The following TOMM20L variants were observed in gnomAD, a reference collection of about 807,000 sequenced individuals.
TOMM20L encodes TOMM20-like protein 1.
A neutral mutation model predicts 20.4 loss-of-function variants in TOMM20L; 19 were observed. The ratio of observed to expected loss-of-function variants is 0.93; its 90% CI spans 0.65 to 1.36. The LOEUF is 1.36. Ranked by LOEUF, TOMM20L falls within the 40% of genes most tolerant of loss-of-function variation. The probability of loss-of-function intolerance (pLI) is 0.00; values close to 1 mark genes in which losing one functional copy is unlikely to be tolerated. For missense variants in TOMM20L, 218 were observed against 203.7 expected (o/e 1.07, Z -0.43); for synonymous variants, 75 against 79.6 (o/e 0.94, Z 0.30).
At chr14:58,402,566 G>A (rs888095154) in intron 2 of TOMM20L, 114 bp from the exon 3 acceptor site, 1 of 768,836 alleles carries the variant, frequency 1.3e-6, no homozygotes, top group Non-Finnish European at 2.1e-6. Flanking sequence ...GGGATTACAG[G>A]TGTGAGCCAC....
chr14:58,401,020 A>C (rs1192121512), intron 2 of TOMM20L, among the ~76,000 whole-genome samples: 2 of 152,212 alleles, frequency 1.3e-5, no homozygotes, highest in Non-Finnish European at 2.9e-5. Flanking sequence ...TTTTCTGAGA[A>C]GCCTTTGACA....
At chr14:58,410,993 T>C (rs1006415430), downstream of TOMM20L, 1 of 1,266,044 alleles carries the variant, frequency 7.9e-7, no homozygotes, top group African/African-American at 1.5e-5. Context: ...AAAGATGCTT[T>C]GAAACTTAAA....
intron 2 of TOMM20L, among the ~76,000 whole-genome samples, chr14:58,399,100 G>GT (rs1278212460): frequency 6.6e-6 from 1 of 152,138 alleles, no homozygotes; most frequent in African/African-American, 2.4e-5. Flanking sequence ...TGCCCAGGCT[G>GT]GTCTTGAACT....
chr14:58,412,150 C>CTTTT, downstream of TOMM20L: 1 of 411,074 alleles, frequency 2.4e-6, no homozygotes, highest in South Asian at 3.4e-5. Context: ...ATTAGATTTT[C>CTTTT]TTTTTTTTTT....
At chr14:58,409,968 T>TCCAC (rs2036160887), downstream of TOMM20L, among the ~76,000 whole-genome samples, 1 of 151,926 alleles carries the variant, frequency 6.6e-6, no homozygotes, top group South Asian at 2.1e-4. Flanking sequence ...TGGGCTTAAG[T>TCCAC]GATCCTCCTA....
In TOMM20L at chr14:58,396,410, C is replaced by A. The variant is rs1594993678; in HGVS notation, c.180+69C>A. On this transcript the variant is annotated intron_variant, in intron 2 of 4. Transcript: ENST00000360945. ...TCCGGGCTCGCTGGGTTGCTTGGCT[C>A]CTGGCGGGCTCGGCAGCAGGTAGTT... The A allele has an allele frequency of 3.2e-6, 5 of 1,576,394 alleles. No homozygotes were observed. The East Asian group carries it at 1.1e-4, about 36-fold the overall frequency.
the TOMM20L span, among the ~76,000 whole-genome samples, chr14:58,416,045 G>A: frequency 2.7e-5 from 4 of 146,212 alleles, no homozygotes; most frequent in East Asian, 4.0e-4. Flanking sequence ...GTGAAACCCC[G>A]TCCCTACTGA....
chr14:58,415,152 G>A, the TOMM20L span, among the ~76,000 whole-genome samples: 1 of 152,176 alleles, frequency 6.6e-6, no homozygotes, highest in African/African-American at 2.4e-5. Context: ...CCCTTCAAGT[G>A]TCAGAGTGAG....
chr14:58,410,250 T>G (rs2036171323), downstream of TOMM20L, among the ~76,000 whole-genome samples: 1 of 152,054 alleles, frequency 6.6e-6, no homozygotes, highest in Admixed American at 6.6e-5. Flanking sequence ...TTTTTTTGTA[T>G]TTTTTGTAAA....
At chr14:58,410,796 G>A (rs1271116526), downstream of TOMM20L, 1 of 1,299,248 alleles carries the variant, frequency 7.7e-7, no homozygotes, top group Non-Finnish European at 1.1e-6. Flanking sequence ...CCTACTTAGA[G>A]TGTTTATGAA....
At chr14:58,415,442 T>TAA in the TOMM20L span, among the ~76,000 whole-genome samples, 85 of 152,264 alleles carry the variant, frequency 5.6e-4, 2 homozygotes, top group East Asian at 0.016. Context: ...TAGCACCTTG[T>TAA]AAATACTTCA....
downstream of TOMM20L, chr14:58,409,218 T>A: frequency 6.3e-7 from 1 of 1,593,914 alleles, no homozygotes; most frequent in Non-Finnish European, 8.5e-7. Flanking sequence ...ATATGAATTT[T>A]TTAAAATGCA....
chr14:58,400,633 A>G (rs2035982597), intron 2 of TOMM20L, among the ~76,000 whole-genome samples: 2 of 151,900 alleles, frequency 1.3e-5, no homozygotes, highest in African/African-American at 4.8e-5. Flanking sequence ...TAATCCCAGC[A>G]CTTTGGGAGG....
Position 58,407,237 on chromosome 14 carries a change from T to C in TOMM20L, c.263-89T>C. 13 of 1,347,250 alleles carry C rather than the reference T, an allele frequency of 9.6e-6. 1 individual carries two copies. The highest frequency in any genetic ancestry group is 1.3e-5 in the Non-Finnish European group (13 of 985,888). 83.5% of individuals were successfully genotyped at this position (1,347,250 alleles called of 1,614,324 possible). A position where few individuals can be genotyped will look rare whatever the true frequency, so the allele number is the denominator to read the frequency against. ...AGTCTTTAGTTGGATATGCTTTTAA[T>C]TTTTAATGCTTGTTGCTTTCTTGGA... On this transcript the variant is annotated intron_variant, in intron 3 of 4. Coordinates refer to ENST00000360945, the MANE Select transcript of TOMM20L (RefSeq NM_207377.3).
At chr14:58,411,851 T>C (rs963457006), downstream of TOMM20L, 9 of 1,522,246 alleles carry the variant, frequency 5.9e-6, no homozygotes, top group African/African-American at 1.2e-4. Flanking sequence ...ATGGTGGCAT[T>C]AGTAGCACCT....
chr14:58,397,033 G>C (rs1229386434), intron 2 of TOMM20L, among the ~76,000 whole-genome samples: 1 of 152,210 alleles, frequency 6.6e-6, no homozygotes, highest in African/African-American at 2.4e-5. Context: ...GGTGGCAGTT[G>C]CAGCCTGGGC....
chr14:58,400,465 G>T (rs868004519), intron 2 of TOMM20L, among the ~76,000 whole-genome samples: 10 of 150,780 alleles, frequency 6.6e-5, no homozygotes, highest in African/African-American at 2.4e-4. Flanking sequence ...TCAGCTTGGC[G>T]CTATGCCTTT....
At chr14:58,404,099 G>GTGTATATATATATA (rs1408980666) in intron 3 of TOMM20L, among the ~76,000 whole-genome samples, 1 of 22,928 alleles carries the variant, frequency 4.4e-5, no homozygotes, top group African/African-American at 1.3e-4. Flanking sequence ...ACATATATAT[G>GTGTATATATATATA]TATATATATA....
At chr14:58,399,164 G>A (rs375067888) in intron 2 of TOMM20L, among the ~76,000 whole-genome samples, 224 of 152,338 alleles carry the variant, frequency 1.5e-3, no homozygotes, top group African/African-American at 5.2e-3. Flanking sequence ...GGGATTACAC[G>A]AGGGAGCCAC....
Sources: allele counts gnomAD v4.1 joint callset (sites outside exome capture counted in the v4.1 genomes callset), GRCh38; gene constraint gnomAD v4.1.1; transcripts MANE v1.5; gene names NCBI Gene and HGNC (gene_info 2026-07-23, HGNC 2026-07-21).